The following PATJ variants were observed in gnomAD, a reference collection of about 807,000 sequenced individuals.
The protein encoded by PATJ is PATJ crumbs cell polarity complex component.
In PATJ, 190 loss-of-function variants were observed where a neutral mutation model predicts 224.9. The ratio of observed to expected loss-of-function variants is 0.84; its 90% confidence interval spans 0.75 to 0.95. The LOEUF (loss-of-function observed/expected upper bound fraction) is 0.95, where lower values mean the gene tolerates loss of function less well. PATJ is among the 40% of genes least tolerant of loss of function. The probability of loss-of-function intolerance (pLI) is 0.00; values close to 1 mark genes in which losing one functional copy is unlikely to be tolerated. For synonymous variants in PATJ, 769 were observed against 820.3 expected (o/e 0.94, Z 1.07); for missense variants, 2,121 against 2,270.3 (o/e 0.93, Z 1.34).
Position 62,116,634 on chromosome 1 carries a change from G to C in PATJ, c.4758G>C (p.Glu1586Asp). ...ATCAGATCTTATCTGTGAATGGGGA[G>C]GACATGAGAAATGCCTCACAGGAGA... Reference protein sequence around the residue: ...QGDQILSVNGEDMRNASQETV... With the variant: ...QGDQILSVNGDDMRNASQETV... The change falls in exon 36 of 44, where the codon GAG (glutamate) becomes GAC (aspartate). Residue 1586 changes from glutamate to aspartate, a missense_variant. Coordinates refer to ENST00000642238, the MANE Select transcript of PATJ (RefSeq NM_001350145.3). The C allele has an allele frequency of 6.2e-7, 1 of 1,613,752 alleles. No individual in the cohort carries two copies.
chr1:62,032,060 A>G (rs1461203299), intron 29 of PATJ, among the ~76,000 whole-genome samples: 6 of 152,152 alleles, frequency 3.9e-5, no homozygotes, highest in Non-Finnish European at 8.8e-5. Context: ...ACAGTTGTGT[A>G]GGTCAGAATG....
chr1:62,052,645 G>A (rs903519398), intron 31 of PATJ, among the ~76,000 whole-genome samples: 1 of 151,964 alleles, frequency 6.6e-6, no homozygotes, highest in Admixed American at 6.6e-5. Context: ...GGGAGGCCGA[G>A]GCAGGAGAAT....
rs1048537060 is a variant in PATJ at position 62,110,958 on chromosome 1, A to G, written c.4461+2438A>G. Among the ~76,000 whole-genome samples, 6 of 152,066 alleles carry G rather than the reference A, an allele frequency of 3.9e-5. 1 individual carries two copies. The East Asian group carries it at 9.6e-4, about 24-fold the overall frequency. ...AGGCACTTACATAATACATCTCCCC[A>G]CAATGTTCTAGCCACGCCATGATAT... is the stretch of plus-strand genomic sequence containing the variant. On this transcript the variant is annotated intron_variant, in intron 34 of 43. Coordinates refer to ENST00000642238, the MANE Select transcript of PATJ (RefSeq NM_001350145.3).
intron 31 of PATJ, among the ~76,000 whole-genome samples, chr1:62,077,103 A>C (rs1289242013): frequency 1.3e-5 from 2 of 152,168 alleles, no homozygotes; most frequent in Admixed American, 6.5e-5. Flanking sequence ...TATTACCAAC[A>C]CATCTGTATT....
intron 33 of PATJ, among the ~76,000 whole-genome samples, chr1:62,103,240 G>T (rs1200417795): frequency 1.3e-5 from 2 of 152,170 alleles, no homozygotes; most frequent in Non-Finnish European, 2.9e-5. Flanking sequence ...AGGCTTTGGT[G>T]TTAAACAATC....
intron 22 of PATJ, among the ~76,000 whole-genome samples, chr1:61,895,644 T>C (rs563514181): frequency 1.1e-4 from 15 of 137,848 alleles, no homozygotes; most frequent in Non-Finnish European, 2.4e-4. Flanking sequence ...AATGTCTGGA[T>C]GTCCAGGCAG....
chr1:61,871,422 T>C (rs1259007750), intron 20 of PATJ, among the ~76,000 whole-genome samples: 2 of 129,038 alleles, frequency 1.5e-5, no homozygotes, highest in African/African-American at 2.8e-5. Flanking sequence ...TACATATATA[T>C]GTACATATAT....
intron 20 of PATJ, among the ~76,000 whole-genome samples, chr1:61,871,520 T>TGTATATATAC (rs1571020354): frequency 7.5e-6 from 1 of 132,576 alleles, no homozygotes; most frequent in Non-Finnish European, 1.6e-5. Flanking sequence ...CGCATATATA[T>TGTATATATAC]AAATATGTGT....
intron 6 of PATJ, 82 bp downstream of exon 6, chr1:61,771,708 AT>A: frequency 9.8e-7 from 1 of 1,023,924 alleles, no homozygotes; most frequent in Non-Finnish European, 1.4e-6. Flanking sequence ...AGAAGGTGTC[AT>A]TTTACCTTTC....
intron 22 of PATJ, among the ~76,000 whole-genome samples, chr1:61,884,857 G>C (rs1668603236): frequency 6.6e-6 from 1 of 152,168 alleles, no homozygotes; most frequent in Non-Finnish European, 1.5e-5. Context: ...TAATATTATA[G>C]GAGCATGAAC....
chr1:62,154,842 A>G (rs971954994), intron 43 of PATJ, among the ~76,000 whole-genome samples: 32 of 152,258 alleles, frequency 2.1e-4, no homozygotes, highest in African/African-American at 7.5e-4. Flanking sequence ...GTCATTTGGC[A>G]TTTACTTTTG....
intron 3 of PATJ, among the ~76,000 whole-genome samples, chr1:61,763,660 A>G (rs1330453809): frequency 2.0e-5 from 3 of 151,818 alleles, no homozygotes; most frequent in Non-Finnish European, 4.4e-5. Flanking sequence ...TAACTTAAAT[A>G]TATTTTCTTT....
intron 39 of PATJ, among the ~76,000 whole-genome samples, chr1:62,123,590 G>C (rs983428795): frequency 2.8e-5 from 4 of 142,620 alleles, no homozygotes; most frequent in African/African-American, 1.0e-4. Flanking sequence ...CCATTCTCCT[G>C]CCTCAGCATC....
chr1:62,067,235 T>G (rs1338630180), intron 31 of PATJ, among the ~76,000 whole-genome samples: 4 of 149,170 alleles, frequency 2.7e-5, no homozygotes, highest in African/African-American at 9.8e-5. Context: ...CAAGCAATTC[T>G]CCTGCCTCAG....
intron 31 of PATJ, among the ~76,000 whole-genome samples, chr1:62,074,037 CTA>C (rs1228581653): frequency 1.3e-5 from 2 of 151,622 alleles, no homozygotes; most frequent in Non-Finnish European, 2.9e-5. Context: ...GTGTACTAAT[CTA>C]TGTTTTTATG....
Position 62,106,125 on chromosome 1 carries a change from CACAT to C in PATJ, c.4378-2310_4378-2307del, listed in dbSNP as rs1662955620. Among the ~76,000 whole-genome samples, 2 of 84,724 alleles carry C rather than the reference CACAT, an allele frequency of 2.4e-5. 1 individual carries two copies. The highest frequency in any genetic ancestry group is 5.0e-5 in the Non-Finnish European group (2 of 40,130). The allele number at this position is 84,724 out of a possible 152,430, so 55.6% of individuals were successfully genotyped here. A position where few individuals can be genotyped will look rare whatever the true frequency, so the allele number is the denominator to read the frequency against. ...ACACACACACACACACACACAAACA[CACAT>C]ATATACATGTGTATATGTGTGTGTG... On this transcript the variant is annotated intron_variant, in intron 33 of 43. Coordinates refer to ENST00000642238, the MANE Select transcript of PATJ (RefSeq NM_001350145.3).
chr1:61,774,119 C>CA (rs35357345), intron 6 of PATJ, among the ~76,000 whole-genome samples: 34,508 of 68,604 alleles, frequency 0.5, 8,162 homozygotes, highest in East Asian at 0.63. Flanking sequence ...GACTCCATCT[C>CA]AAAAAAAAAA....
At chr1:62,158,711 ACT>A (rs1406487559) in intron 43 of PATJ, among the ~76,000 whole-genome samples, 1 of 113,412 alleles carries the variant, frequency 8.8e-6, no homozygotes, top group Non-Finnish European at 1.7e-5. Context: ...ACAGAGCGAG[ACT>A]CTGTCTCAAA....
At chr1:62,055,979 A>G (rs1171362081) in intron 31 of PATJ, among the ~76,000 whole-genome samples, 1 of 152,202 alleles carries the variant, frequency 6.6e-6, no homozygotes, top group Non-Finnish European at 1.5e-5. Context: ...GCTGGAGAAC[A>G]TGGAGTTCTG....
Sources: gnomAD v4.1 joint callset for allele counts (sites outside exome capture counted in the v4.1 genomes callset) on GRCh38, gnomAD v4.1.1 for gene constraint, MANE v1.5 for transcripts, NCBI Gene and HGNC (gene_info 2026-07-23, HGNC 2026-07-21) for gene names.